Variants in CAMTA1 observed in about 807,000 individuals in gnomAD.
The protein encoded by CAMTA1 is calmodulin binding transcription activator 1.
In CAMTA1, 27 loss-of-function variants were observed where a neutral mutation model predicts 170.9. That is an observed-to-expected ratio of 0.16 (90% CI 0.12 to 0.22). The LOEUF is 0.22. CAMTA1 is among the 10% of genes least tolerant of loss of function. CAMTA1 has a pLI of 1.00. For missense variants in CAMTA1, 1,619 were observed against 2,217.2 expected, an observed-to-expected ratio of 0.73 and a Z score of 5.42; for synonymous variants, 833 against 891.5, an observed-to-expected ratio of 0.93 and a Z score of 1.17.
At chr1:6,977,331 CTT>C (rs376179701) in intron 3 of CAMTA1, among the ~76,000 whole-genome samples, 10 of 143,342 alleles carry the variant, frequency 7.0e-5, no homozygotes, top group Admixed American at 7.1e-5. Context: ...CTGGGCAAAG[CTT>C]TTTTTTTTTT....
chr1:7,348,484 G>A (rs781505687), intron 5 of CAMTA1, among the ~76,000 whole-genome samples: 14 of 152,212 alleles, frequency 9.2e-5, no homozygotes, highest in Non-Finnish European at 1.9e-4. Flanking sequence ...GCTGTGGTAC[G>A]AAGCATAACC....
chr1:7,703,395 C>T (rs1476062878), intron 11 of CAMTA1, among the ~76,000 whole-genome samples: 1 of 152,114 alleles, frequency 6.6e-6, no homozygotes, highest in Non-Finnish European at 1.5e-5. Context: ...GGGCAGGCTT[C>T]GGAACAGGAG....
chr1:7,218,421 T>A (rs1660143556), intron 4 of CAMTA1, among the ~76,000 whole-genome samples: 1 of 152,130 alleles, frequency 6.6e-6, no homozygotes, highest in African/African-American at 2.4e-5. Flanking sequence ...GTTCAAGAGC[T>A]CCCTCTTCTG....
chr1:7,541,690 G>C (rs1002723685), intron 6 of CAMTA1, among the ~76,000 whole-genome samples: 3 of 152,176 alleles, frequency 2.0e-5, no homozygotes, highest in Non-Finnish European at 2.9e-5. Context: ...ACACGGGCGC[G>C]TTCCCCCAAA....
chr1:6,903,997 T>C (rs559981753), intron 3 of CAMTA1, among the ~76,000 whole-genome samples: 48 of 151,868 alleles, frequency 3.2e-4, no homozygotes, highest in Middle Eastern at 3.2e-3. Flanking sequence ...TCCTCTCTCT[T>C]GAGTTCAAAC....
At chr1:7,310,644 C>CTTTCTTTCTTTCTTTCTTTCTTTCTT (rs1557490400) in intron 5 of CAMTA1, among the ~76,000 whole-genome samples, 1 of 61,346 alleles carries the variant, frequency 1.6e-5, no homozygotes, top group African/African-American at 6.8e-5. Flanking sequence ...TTCTTTCTTT[C>CTTTCTTTCTTTCTTTCTTTCTTTCTT]TTTTTTCTTT....
chr1:6,904,455 T>TA (rs1677828554), intron 3 of CAMTA1, among the ~76,000 whole-genome samples: 1 of 152,204 alleles, frequency 6.6e-6, no homozygotes, highest in Non-Finnish European at 1.5e-5. Context: ...TCTGGACTGT[T>TA]TTCTGATTTA....
At chr1:7,069,633 C>T (rs904030120) in intron 3 of CAMTA1, among the ~76,000 whole-genome samples, 14 of 151,896 alleles carry the variant, frequency 9.2e-5, no homozygotes, top group African/African-American at 2.2e-4. Context: ...GTGGGGTGCC[C>T]GTGAGGGGAG....
intron 4 of CAMTA1, among the ~76,000 whole-genome samples, chr1:7,171,371 TCC>T (rs1225647590): frequency 6.6e-6 from 1 of 152,192 alleles, no homozygotes; most frequent in African/African-American, 2.4e-5. Context: ...CTCTCCCTTT[TCC>T]CTGCCCCTTG....
intron 4 of CAMTA1, among the ~76,000 whole-genome samples, chr1:7,201,098 G>C (rs1656602738): frequency 6.6e-6 from 1 of 152,128 alleles, no homozygotes; most frequent in African/African-American, 2.4e-5. Context: ...AATCCACTTA[G>C]AGTCTCTATA....
intron 3 of CAMTA1, among the ~76,000 whole-genome samples, chr1:6,959,847 A>G (rs1316508250): frequency 2.0e-5 from 3 of 152,156 alleles, no homozygotes; most frequent in Non-Finnish European, 4.4e-5. Context: ...CCCCTTCTGC[A>G]TGAATCACAG....
At position 7,666,647 on chromosome 1, in the gene CAMTA1, T is replaced by C. The variant is rs1401648762; in HGVS notation, c.2652+1448T>C. Among the ~76,000 whole-genome samples, 5 of 152,310 alleles carry C rather than the reference T, an allele frequency of 3.3e-5. No homozygotes were observed. In the East Asian group the frequency reaches 5.8e-4, roughly 18 times the overall value. On this transcript the variant is annotated intron_variant, in intron 9 of 22. Coordinates refer to ENST00000303635, the MANE Select transcript of CAMTA1 (RefSeq NM_015215.4). ...CCAGCACATGCACCACGGGCCCTGATTGGACACTGCCTGGGAGGTGGCTGC... is the reference window on the plus strand; with the variant it reads ...CCAGCACATGCACCACGGGCCCTGACTGGACACTGCCTGGGAGGTGGCTGC...
At chr1:7,729,002 A>C (rs1054452237) in intron 11 of CAMTA1, among the ~76,000 whole-genome samples, 1 of 152,146 alleles carries the variant, frequency 6.6e-6, no homozygotes, top group Non-Finnish European at 1.5e-5. Context: ...GTGTCTGTCC[A>C]TCCATAGTTG....
At chr1:6,953,789 C>T (rs948578830) in intron 3 of CAMTA1, among the ~76,000 whole-genome samples, 77 of 151,404 alleles carry the variant, frequency 5.1e-4, no homozygotes, top group African/African-American at 1.6e-3. Flanking sequence ...CTTTCTGGTA[C>T]GTACAGCACA....
Position 6,896,464 on chromosome 1 carries a change from C to T in CAMTA1, c.234+71254C>T, listed in dbSNP as rs148073767. 3.5e-3 allele frequency among the ~76,000 whole-genome samples: 525 copies of T among 152,172 alleles called. 4 individuals carry two copies. Among genetic ancestry groups the T allele is most frequent in the African/African-American group, 0.011 (451 of 41,508 alleles). ...TGATTTCTCCTGTGGCGTGTCTGGC[C>T]GGGATGCTTTCTGTGTTGAATGTTC... On this transcript the variant is annotated intron_variant, in intron 3 of 22. Coordinates refer to ENST00000303635, the MANE Select transcript of CAMTA1 (RefSeq NM_015215.4).
intron 5 of CAMTA1, among the ~76,000 whole-genome samples, chr1:7,271,665 A>G (rs1007879062): frequency 1.3e-5 from 2 of 152,214 alleles, no homozygotes; most frequent in Middle Eastern, 3.4e-3. Context: ...CAGTAGATAG[A>G]TAATATGAGA....
Position 7,677,650 on chromosome 1 carries a change from T to C in CAMTA1, c.2831T>C (p.Ile944Thr), listed in dbSNP as rs956285683. 3 of 1,614,108 alleles carry C rather than the reference T, an allele frequency of 1.9e-6. No individual in the cohort carries two copies. In the Admixed American group the frequency reaches 5.0e-5, roughly 27 times the overall value. ...TLQVAFNNQIISNSVVFEYKA... is the reference protein window; with the variant it reads ...TLQVAFNNQITSNSVVFEYKA... The stretch of plus-strand genomic sequence containing the variant: ...CAAGTTGCCTTCAACAACCAGATCA[T>C]CTCCAACTCGGTGGTGTTTGAGTAC... The change falls in exon 11 of 23, where the codon ATC (isoleucine) becomes ACC (threonine). Residue 944 changes from isoleucine (I) to threonine (T), a missense_variant. By Grantham distance (89) the Ile-to-Thr change is moderately conservative. Coordinates refer to ENST00000303635, the MANE Select transcript of CAMTA1 (RefSeq NM_015215.4).
intron 5 of CAMTA1, among the ~76,000 whole-genome samples, chr1:7,358,151 G>A (rs2085267098): frequency 1.3e-5 from 2 of 152,334 alleles, no homozygotes; most frequent in South Asian, 4.1e-4. Flanking sequence ...AATTGGAAAG[G>A]TTGTAGTCAC....
chr1:7,046,957 C>G (rs909204507), intron 3 of CAMTA1, among the ~76,000 whole-genome samples: 4 of 152,312 alleles, frequency 2.6e-5, no homozygotes, highest in African/African-American at 9.6e-5. Flanking sequence ...GTTTTTCCTC[C>G]TGGGTGCCCA....
Sources: allele counts gnomAD v4.1 joint callset (sites outside exome capture counted in the v4.1 genomes callset), GRCh38; gene constraint gnomAD v4.1.1; transcripts MANE v1.5; gene names NCBI Gene and HGNC (gene_info 2026-07-23, HGNC 2026-07-21).